Variants in PCDHB5 observed in about 807,000 individuals in gnomAD.
The protein encoded by PCDHB5 is protocadherin beta-5.
For synonymous variants in PCDHB5, 569 were observed against 462.2 expected (o/e 1.23, Z -2.96); for missense variants, 1,125 against 1,029.4 (o/e 1.09, Z -1.27).
chr5:141,137,022 G>C lies in PCDHB5; in HGVS notation c.1588G>C (p.Val530Leu), dbSNP rs373293993. ...YEALQAFEFR[V>L]GATDRGSPAL... ...GGCCCTGCAGGCGTTCGAGTTCCGCGTGGGAGCCACAGACCGCGGCTCCCC... is the reference window on the plus strand; with the variant it reads ...GGCCCTGCAGGCGTTCGAGTTCCGCCTGGGAGCCACAGACCGCGGCTCCCC... The change falls in exon 1 of 1, where the codon GTG becomes CTG. Residue 530 changes from valine (V) to leucine (L), a missense_variant. Physicochemically the swap from Val to Leu is conservative, Grantham distance 32. Coordinates refer to ENST00000231134, the MANE Select transcript of PCDHB5 (RefSeq NM_015669.5). The C allele has an allele frequency of 2.5e-6, 4 of 1,612,004 alleles. No individual in the cohort carries two copies. Among genetic ancestry groups the C allele is most frequent in the African/African-American group, 1.3e-5 (1 of 74,880 alleles).
chr5:141,137,910 C>A lies in PCDHB5; in HGVS notation c.*88C>A. 1.6e-6 allele frequency: 2 copies of A among 1,224,776 alleles called. No homozygotes were observed. Among genetic ancestry groups the A allele is most frequent in the Non-Finnish European group, 2.3e-6 (2 of 871,674 alleles). 75.9% of individuals were successfully genotyped at this position (1,224,776 alleles called of 1,614,324 possible). A position where few individuals can be genotyped will look rare whatever the true frequency, so the allele number is the denominator to read the frequency against. ...GAGAGTGTCATGGACAAAAATTTCA[C>A]CTTGAGATTGAGCTTTTATTTCCCT... On this transcript the variant is annotated 3_prime_UTR_variant, in exon 1 of 1. Transcript: ENST00000231134.
rs1265120526 is a variant in PCDHB5 at position 141,136,730 on chromosome 5, C to G, written c.1296C>G (p.Thr432=). Residue 432 remains threonine (T), a synonymous_variant, in exon 1 of 1, where the codon ACC becomes ACG. Coordinates refer to ENST00000231134, the MANE Select transcript of PCDHB5 (RefSeq NM_015669.5). ...VTDMGTPRLK[T]EHNITVLVSD... is the part of the protein sequence containing the mutation. ...ACATGGGGACACCCAGGCTGAAAAC[C>G]GAGCACAACATAACGGTCCTGGTCT... 9.3e-6 allele frequency: 15 copies of G among 1,613,994 alleles called. No homozygotes were observed. Among genetic ancestry groups the G allele is most frequent in the Non-Finnish European group, 1.3e-5 (15 of 1,180,012 alleles).
Position 141,137,331 on chromosome 5 carries a change from G to T in PCDHB5, c.1897G>T (p.Asp633Tyr). 1 of 1,609,880 alleles carries T rather than the reference G, an allele frequency of 6.2e-7. No individual in the cohort carries two copies. The highest frequency in any genetic ancestry group is 8.5e-7 in the Non-Finnish European group (1 of 1,179,560). The change falls in exon 1 of 1, where the codon GAC (aspartate) becomes TAC (tyrosine). Residue 633 changes from aspartate to tyrosine, a missense_variant. Transcript: ENST00000231134. The part of the protein sequence containing the change: ...VRTARLLSER[D>Y]AAKHRLVVLV... Reference sequence around the variant, plus strand: ...CACCGCCAGGCTGCTGAGCGAGCGCGACGCGGCCAAGCACAGGCTGGTGGT... The same window carrying T: ...CACCGCCAGGCTGCTGAGCGAGCGCTACGCGGCCAAGCACAGGCTGGTGGT...
At position 141,136,462 on chromosome 5, in the gene PCDHB5, C is replaced by T. The variant is rs782383727; in HGVS notation, c.1028C>T (p.Ala343Val). The T allele has an allele frequency of 6.2e-7, 1 of 1,614,106 alleles. No homozygotes were observed. Among genetic ancestry groups the T allele is most frequent in the South Asian group, 1.1e-5 (1 of 91,068 alleles). Residue 343 changes from alanine (A) to valine (V), a missense_variant, in exon 1 of 1, where the codon GCC becomes GTC. By Grantham distance (64) the Ala-to-Val change is moderately conservative. Coordinates refer to ENST00000231134, the MANE Select transcript of PCDHB5 (RefSeq NM_015669.5). ...AIEVVDVNDN[A>V]PELTMSTLSS... ...GAAGTGGTGGATGTGAATGACAACG[C>T]CCCTGAACTCACCATGTCTACGCTC...
chr5:141,137,832 G>C lies in PCDHB5; in HGVS notation c.*10G>C, dbSNP rs372525344. 1.3e-6 allele frequency: 2 copies of C among 1,564,130 alleles called. No individual in the cohort carries two copies. Among genetic ancestry groups the C allele is most frequent in the East Asian group, 4.5e-5 (2 of 44,306 alleles). ...CTTTGGATTAAATTAGAGATCTCGT[G>C]ATGACGCGTTGTTTTCTGCCATTTA... On this transcript the variant is annotated 3_prime_UTR_variant, in exon 1 of 1. Coordinates refer to ENST00000231134, the MANE Select transcript of PCDHB5 (RefSeq NM_015669.5).
In PCDHB5 at chr5:141,136,092, C is replaced by T. The variant is rs1554275817; in HGVS notation, c.658C>T (p.Pro220Ser). 2 of 1,614,154 alleles carry T rather than the reference C, an allele frequency of 1.2e-6. No individual in the cohort carries two copies. ...ACTCACTGCACTGGACGGTGGGGCT[C>T]CGCCCAGGTCCGGGACCACCACAAT... Reference protein sequence around the residue: ...LTLTALDGGAPPRSGTTTIRI... With the variant: ...LTLTALDGGASPRSGTTTIRI... The change falls in exon 1 of 1, where the codon CCG becomes TCG. Residue 220 changes from proline (P) to serine (S), a missense_variant. Physicochemically the swap from Pro to Ser is moderately conservative, Grantham distance 74. Coordinates refer to ENST00000231134, the MANE Select transcript of PCDHB5 (RefSeq NM_015669.5).
chr5:141,135,809 T>C lies in PCDHB5; in HGVS notation c.375T>C (p.Asp125=), dbSNP rs148718250. ...QFFQTDLQLT[D]INDHAPEFPE... ...TTCAAACTGATCTGCAGCTCACAGA[T>C]ATAAATGACCATGCCCCAGAGTTCC... Residue 125 remains aspartate (D), a synonymous_variant, in exon 1 of 1, where the codon GAT becomes GAC. Coordinates refer to ENST00000231134, the MANE Select transcript of PCDHB5 (RefSeq NM_015669.5). 87 of 1,613,870 alleles carry C rather than the reference T, an allele frequency of 5.4e-5. No homozygotes were observed. The highest frequency in any genetic ancestry group is 6.9e-5 in the Non-Finnish European group (81 of 1,179,956).
chr5:141,136,644 A>G lies in PCDHB5; in HGVS notation c.1210A>G (p.Thr404Ala), dbSNP rs1554275953. The G allele has an allele frequency of 1.9e-6, 3 of 1,614,192 alleles. No homozygotes were observed. Among genetic ancestry groups the G allele is most frequent in the Non-Finnish European group, 1.7e-6 (2 of 1,180,038 alleles). ...ATTAAAAAACTTTTACACCCTAGTG[A>G]CACAGAGAACACTGGACAGAGAGAG... is the stretch of plus-strand genomic sequence containing the variant. ...PTLKNFYTLV[T>A]QRTLDRESQA... is the part of the protein sequence containing the mutation. Residue 404 changes from threonine (T) to alanine (A), a missense_variant, in exon 1 of 1, where the codon ACA (threonine) becomes GCA (alanine). Physicochemically the swap from Thr to Ala is moderately conservative, Grantham distance 58. Coordinates refer to ENST00000231134, the MANE Select transcript of PCDHB5 (RefSeq NM_015669.5).
In PCDHB5 at chr5:141,136,563, A is replaced by T. The variant is rs782093830; in HGVS notation, c.1129A>T (p.Asn377Tyr). Residue 377 changes from asparagine (N) to tyrosine (Y), a missense_variant, in exon 1 of 1, where the codon AAC becomes TAC. By Grantham distance (143) the Asn-to-Tyr change is moderately radical. Coordinates refer to ENST00000231134, the MANE Select transcript of PCDHB5 (RefSeq NM_015669.5). The part of the protein sequence containing the change: ...FSVSDPDSGD[N>Y]GRMICSIQND... Reference sequence around the variant, plus strand: ...TGTTTCTGATCCAGACTCCGGGGACAACGGTAGGATGATTTGCTCCATCCA... The same window carrying T: ...TGTTTCTGATCCAGACTCCGGGGACTACGGTAGGATGATTTGCTCCATCCA... 6.2e-7 allele frequency: 1 copy of T among 1,614,134 alleles called. No individual in the cohort carries two copies. The highest frequency in any genetic ancestry group is 8.5e-7 in the Non-Finnish European group (1 of 1,180,040).
In PCDHB5 at chr5:141,138,013, A is replaced by G. The variant is rs938409827; in HGVS notation, c.*191A>G. The G allele has an allele frequency of 1.4e-4, 82 of 586,122 alleles. No individual in the cohort carries two copies. The highest frequency in any genetic ancestry group is 2.2e-4 in the Non-Finnish European group (74 of 336,738). 36.3% of individuals were successfully genotyped at this position (586,122 alleles called of 1,614,324 possible). ...ATTTTATTTCATTGCATTTATTTACATAGTGTCATTCCAAATCCATGCATG... is the reference window on the plus strand; with the variant it reads ...ATTTTATTTCATTGCATTTATTTACGTAGTGTCATTCCAAATCCATGCATG... On this transcript the variant is annotated 3_prime_UTR_variant, in exon 1 of 1. Transcript: ENST00000231134.
rs782050709 is a variant in PCDHB5 at position 141,137,591 on chromosome 5, CCCGG to C, written c.2158_2161del (p.Pro720SerfsTer18). ...GGCTGTGCAGGAGGAGCAGGGCGGC[CCCGG>C]TCGGTCGCTGCTCGGTGCCCGAGGG... On this transcript the variant is annotated frameshift_variant, in exon 1 of 1. Transcript: ENST00000231134. LOFTEE classifies it low-confidence loss of function (END_TRUNC). The C allele has an allele frequency of 9.9e-6, 16 of 1,613,098 alleles. No homozygotes were observed. Among genetic ancestry groups the C allele is most frequent in the Non-Finnish European group, 1.1e-5 (13 of 1,180,012 alleles).
At position 141,135,233 on chromosome 5, in the gene PCDHB5, T is replaced by G; in HGVS notation, c.-202T>G. The G allele has an allele frequency of 1.9e-6, 1 of 539,522 alleles. No homozygotes were observed. Among genetic ancestry groups the G allele is most frequent in the Non-Finnish European group, 3.2e-6 (1 of 308,092 alleles). 33.4% of individuals were successfully genotyped at this position (539,522 alleles called of 1,614,324 possible). ...GAGTGTGGATAGTGGGCTCTGCGGA[T>G]AACTCAGACGCCATTAAGCTGGGGA... On this transcript the variant is annotated 5_prime_UTR_variant, in exon 1 of 1. Transcript: ENST00000231134.
chr5:141,137,409 G>T lies in PCDHB5; in HGVS notation c.1975G>T (p.Val659Leu), dbSNP rs1399173791. ...PPRSATATLH[V>L]LLVDGFSQPY... ...GCGCTCGGCCACCGCCACGCTGCAC[G>T]TGCTCCTGGTGGACGGCTTCTCCCA... The change falls in exon 1 of 1, where the codon GTG becomes TTG. Residue 659 changes from valine to leucine, a missense_variant. By Grantham distance (32) the Val-to-Leu change is conservative. Transcript: ENST00000231134. The T allele has an allele frequency of 1.2e-5, 20 of 1,610,710 alleles. No individual in the cohort carries two copies. Among genetic ancestry groups the T allele is most frequent in the Non-Finnish European group, 1.6e-5 (19 of 1,179,428 alleles).
In PCDHB5 at chr5:141,135,399, G is replaced by A; in HGVS notation, c.-36G>A. 1 of 1,381,886 alleles carries A rather than the reference G, an allele frequency of 7.2e-7. No individual in the cohort carries two copies. The highest frequency in any genetic ancestry group is 1.0e-6 in the Non-Finnish European group (1 of 1,001,352). The allele number at this position is 1,381,886 out of a possible 1,614,324, so 85.6% of individuals were successfully genotyped here. On this transcript the variant is annotated 5_prime_UTR_variant, in exon 1 of 1. Coordinates refer to ENST00000231134, the MANE Select transcript of PCDHB5 (RefSeq NM_015669.5). ...CAAATCATCTGGGTGGATTGTGTAC[G>A]GAGTTAAACTGCGCCTTCTGGACCG...
Position 141,137,075 on chromosome 5 carries a change from C to G in PCDHB5, c.1641C>G (p.Arg547=), listed in dbSNP as rs575339909. The change falls in exon 1 of 1, where the codon CGC becomes CGG. Residue 547 remains arginine (R), a synonymous_variant. Transcript: ENST00000231134. ...CGCTGAGCAGCGAGGCGCTGGTGCG[C>G]GTGCTGGTGCTGGACGCCAACGACA... ...SPALSSEALV[R]VLVLDANDNS... The G allele has an allele frequency of 6.2e-7, 1 of 1,611,656 alleles. No individual in the cohort carries two copies. Among genetic ancestry groups the G allele is most frequent in the Non-Finnish European group, 8.5e-7 (1 of 1,179,654 alleles).
At position 141,135,933 on chromosome 5, in the gene PCDHB5, G is replaced by C. The variant is rs782531997; in HGVS notation, c.499G>C (p.Val167Leu). 2 of 1,614,196 alleles carry C rather than the reference G, an allele frequency of 1.2e-6. No individual in the cohort carries two copies. Among genetic ancestry groups the C allele is most frequent in the South Asian group, 2.2e-5 (2 of 91,074 alleles). The change falls in exon 1 of 1, where the codon GTT becomes CTT. Residue 167 changes from valine (V) to leucine (L), a missense_variant. Coordinates refer to ENST00000231134, the MANE Select transcript of PCDHB5 (RefSeq NM_015669.5). Reference protein sequence around the residue: ...AQDFDIGSNTVQNYTISPNSH... With the variant: ...AQDFDIGSNTLQNYTISPNSH... The stretch of plus-strand genomic sequence containing the variant: ...GGACTTTGACATAGGTAGCAACACT[G>C]TTCAGAACTACACAATCAGCCCAAA...
rs1554275893 is a variant in PCDHB5, at chr5:141,136,386, A to G, written c.952A>G (p.Ile318Val). Reference sequence around the variant, plus strand: ...GGCAACTCCATATTATAACGTGGAAATTGTAGCCACAGATGGTGGGGGCCT... The same window carrying G: ...GGCAACTCCATATTATAACGTGGAAGTTGTAGCCACAGATGGTGGGGGCCT... Reference protein sequence around the residue: ...FEATPYYNVEIVATDGGGLSG... With the variant: ...FEATPYYNVEVVATDGGGLSG... The change falls in exon 1 of 1, where the codon ATT becomes GTT. Residue 318 changes from isoleucine to valine, a missense_variant. Transcript: ENST00000231134. The G allele has an allele frequency of 6.8e-6, 11 of 1,614,106 alleles. No homozygotes were observed. In the South Asian group the frequency reaches 9.9e-5, roughly 15 times the overall value.
At position 141,136,031 on chromosome 5, in the gene PCDHB5, G is replaced by T. The variant is rs1471660681; in HGVS notation, c.597G>T (p.Ala199=). ...ACCCAGAGCTGGTGCTGGACAAAGC[G>T]CTGGACCGGGAGGAGCGGCCTGAGC... ...RKYPELVLDK[A]LDREERPELS... The change falls in exon 1 of 1, where the codon GCG becomes GCT. Residue 199 remains alanine (A), a synonymous_variant. Transcript: ENST00000231134. 3 of 1,614,042 alleles carry T rather than the reference G, an allele frequency of 1.9e-6. No individual in the cohort carries two copies. The highest frequency in any genetic ancestry group is 1.3e-5 in the African/African-American group (1 of 74,952).
chr5:141,136,726 A>T lies in PCDHB5; in HGVS notation c.1292A>T (p.Lys431Ile). The T allele has an allele frequency of 6.2e-7, 1 of 1,614,094 alleles. No individual in the cohort carries two copies. Among genetic ancestry groups the T allele is most frequent in the Non-Finnish European group, 8.5e-7 (1 of 1,180,014 alleles). The change falls in exon 1 of 1, where the codon AAA (lysine) becomes ATA (isoleucine). Residue 431 changes from lysine (K) to isoleucine (I), a missense_variant. Lys to Ile is a moderately radical substitution (Grantham distance 102). Coordinates refer to ENST00000231134, the MANE Select transcript of PCDHB5 (RefSeq NM_015669.5). ...ACCGACATGGGGACACCCAGGCTGA[A>T]AACCGAGCACAACATAACGGTCCTG... Reference protein sequence around the residue: ...TVTDMGTPRLKTEHNITVLVS... With the variant: ...TVTDMGTPRLITEHNITVLVS...
Sources: gnomAD v4.1 joint callset for allele counts on GRCh38, gnomAD v4.1.1 for gene constraint, MANE v1.5 for transcripts, NCBI Gene and HGNC (gene_info 2026-07-23, HGNC 2026-07-21) for gene names.